The following IFT122 variants were observed in gnomAD, a reference collection of about 807,000 sequenced individuals.
The protein encoded by IFT122 is intraflagellar transport protein 122 homolog.
Under a neutral mutation model 161.6 loss-of-function variants are expected in IFT122, and 118 were observed. The observed-to-expected ratio is 0.73, with a 90% CI of 0.63 to 0.85. The LOEUF (loss-of-function observed/expected upper bound fraction) is 0.85. Ranked by LOEUF, IFT122 falls within the 40% of genes least tolerant of loss-of-function variation. IFT122 has a pLI of 0.00. For synonymous variants in IFT122, 550 were observed against 602.4 expected (o/e 0.91, Z 1.27); for missense variants, 1,381 against 1,579.6 (o/e 0.87, Z 2.13).
intron 16 of IFT122, among the ~76,000 whole-genome samples, chr3:129,491,176 C>CAGCCAG (rs1419480511): frequency 6.6e-6 from 1 of 152,186 alleles, no homozygotes; most frequent in Non-Finnish European, 1.5e-5. Flanking sequence ...ACCTGCAAGG[C>CAGCCAG]AGGCCGGGGA....
intron 1 of IFT122, 38 bp from the exon 2 acceptor site, chr3:129,449,833 T>G (rs772965904): frequency 7.0e-7 from 1 of 1,423,750 alleles, no homozygotes; most frequent in Admixed American, 1.7e-5. Flanking sequence ...TTCATCATTT[T>G]GGTTCCTAAT....
chr3:129,503,906 A>G, intron 20 of IFT122: 1 of 333,416 alleles, frequency 3.0e-6, no homozygotes. Flanking sequence ...TCCATACAGC[A>G]CGAAGCCCAC....
chr3:129,504,038 A>T (rs1049280710), intron 20 of IFT122: 3 of 441,116 alleles, frequency 6.8e-6, no homozygotes, highest in African/African-American at 6.0e-5. Context: ...GCAAACCCTC[A>T]AAATAAAATG....
intron 19 of IFT122, among the ~76,000 whole-genome samples, chr3:129,501,903 G>A (rs1302982142): frequency 6.6e-6 from 1 of 152,180 alleles, no homozygotes; most frequent in Non-Finnish European, 1.5e-5. Context: ...ACAGGGATTC[G>A]TTACAGCTGC....
At chr3:129,491,495 T>C (rs1458897657) in intron 16 of IFT122, among the ~76,000 whole-genome samples, 2 of 152,244 alleles carry the variant, frequency 1.3e-5, no homozygotes, top group African/African-American at 4.8e-5. Flanking sequence ...TTAAAGTCTC[T>C]GGCTTTACTG....
intron 1 of IFT122, among the ~76,000 whole-genome samples, chr3:129,442,652 A>G (rs1323305385): frequency 6.6e-6 from 1 of 151,816 alleles, no homozygotes; most frequent in African/African-American, 2.4e-5. Flanking sequence ...CAAATCAGCC[A>G]TTGTCTCCCG....
intron 26 of IFT122, among the ~76,000 whole-genome samples, chr3:129,516,495 C>T (rs1406335447): frequency 1.0e-4 from 14 of 138,484 alleles, no homozygotes; most frequent in Middle Eastern, 4.1e-3. Context: ...TGCCCCTGCA[C>T]ACACACATGG....
chr3:129,479,983 G>A (rs934649912), intron 13 of IFT122, 61 bp downstream of exon 13: 113 of 1,596,980 alleles, frequency 7.1e-5, no homozygotes, highest in Admixed American at 3.8e-4. Context: ...TGGGTGACCC[G>A]TCTAGCAATG....
Position 129,465,974 on chromosome 3 carries a change from A to AT in IFT122, c.564-910dup, listed in dbSNP as rs556070984. Among the ~76,000 whole-genome samples the AT allele has an allele frequency of 9.7e-3, 1,476 of 151,582 alleles. 31 individuals are homozygous for AT. The highest frequency in any genetic ancestry group is 0.034 in the African/African-American group (1,392 of 41,114). On this transcript the variant is annotated intron_variant, in intron 7 of 29. Coordinates refer to ENST00000348417, the MANE Select transcript of IFT122 (RefSeq NM_052989.3). ...TTTTTGTTGCCACCACACCTGGCTA[A>AT]TTTTTTGTATTTTTAGTAGAGACAG...
At chr3:129,475,012 G>A (rs1378628699) in intron 9 of IFT122, among the ~76,000 whole-genome samples, 1 of 152,128 alleles carries the variant, frequency 6.6e-6, no homozygotes, top group Non-Finnish European at 1.5e-5. Flanking sequence ...TTAATTAGCT[G>A]AGTGTGGTGG....
intron 4 of IFT122, chr3:129,460,966 G>A (rs1174601692): frequency 1.2e-6 from 2 of 1,600,010 alleles, no homozygotes; most frequent in South Asian, 2.2e-5. Flanking sequence ...TGGGAGGATT[G>A]ATTGCTTGAG....
chr3:129,467,070 AGTGT>A lies in IFT122; in HGVS notation c.740+7_740+10del. The A allele has an allele frequency of 6.2e-7, 1 of 1,612,778 alleles. No homozygotes were observed. The highest frequency in any genetic ancestry group is 1.1e-5 in the South Asian group (1 of 91,038). ...ACAGTCCCAGGGACGACAACTTGTG[AGTGT>A]GTCCCAGTGAGTGGGAACCCTTCTG... On this transcript the variant is annotated splice_donor_5th_base_variant and intron_variant, in intron 8 of 29. Transcript: ENST00000348417.
intron 17 of IFT122, among the ~76,000 whole-genome samples, chr3:129,493,114 G>A (rs1205795797): frequency 1.3e-5 from 2 of 152,106 alleles, no homozygotes; most frequent in African/African-American, 2.4e-5. Context: ...TACCATGCCC[G>A]GCCCTTAGAC....
chr3:129,490,904 A>G (rs1423062709), intron 16 of IFT122, among the ~76,000 whole-genome samples: 1 of 152,168 alleles, frequency 6.6e-6, no homozygotes, highest in Admixed American at 6.5e-5. Context: ...TCTGACTCTG[A>G]TGCCTCCCTT....
chr3:129,477,530 GTTGGGGCAAAGCCCC>G (rs549385859), intron 11 of IFT122, among the ~76,000 whole-genome samples: 100 of 152,330 alleles, frequency 6.6e-4, no homozygotes, highest in Non-Finnish European at 1.4e-3. Flanking sequence ...GGCTGTGGTG[GTTGGGGCAAAGCCCC>G]TTGGGCAGCT....
chr3:129,466,741 G>A (rs917479263), intron 7 of IFT122, 149 bp from the exon 8 acceptor site: 4 of 737,076 alleles, frequency 5.4e-6, no homozygotes, highest in African/African-American at 5.2e-5. Context: ...GATCTCGAGC[G>A]ATTCACTTGC....
At chr3:129,482,980 G>A (rs1265049430) in intron 14 of IFT122, among the ~76,000 whole-genome samples, 1 of 152,154 alleles carries the variant, frequency 6.6e-6, no homozygotes, top group Non-Finnish European at 1.5e-5. Context: ...AAGGGCGTCT[G>A]TGCTGCCCCA....
rs1205291680 is a variant in IFT122, at chr3:129,478,069, T to C, written c.1201T>C (p.Leu401=). 4.3e-6 allele frequency: 7 copies of C among 1,614,250 alleles called. No homozygotes were observed. Among genetic ancestry groups the C allele is most frequent in the Admixed American group, 1.7e-5 (1 of 60,024 alleles). Residue 401 remains leucine, a synonymous_variant, in exon 12 of 30, where the codon TTG becomes CTG. Coordinates refer to ENST00000348417, the MANE Select transcript of IFT122 (RefSeq NM_052989.3). Reference sequence around the variant, plus strand: ...GAAGATTGCCATCTACAGAAATCGATTGGCTATCCAACTGCCAGAGAAAAT... The same window carrying C: ...GAAGATTGCCATCTACAGAAATCGACTGGCTATCCAACTGCCAGAGAAAAT... ...VKKIAIYRNR[L]AIQLPEKILI...
At chr3:129,481,242 T>C (rs192964370) in intron 13 of IFT122, 2 of 407,704 alleles carry the variant, frequency 4.9e-6, no homozygotes, top group African/African-American at 2.0e-5. Flanking sequence ...GTTTGGGTAA[T>C]GTCATCAACA....
Sources: allele counts gnomAD v4.1 joint callset (sites outside exome capture counted in the v4.1 genomes callset), GRCh38; gene constraint gnomAD v4.1.1; transcripts MANE v1.5; gene names NCBI Gene and HGNC (gene_info 2026-07-23, HGNC 2026-07-21).